The following MACROD2 variants were observed in gnomAD, a reference collection of about 807,000 sequenced individuals.
MACROD2 encodes the protein mono-ADP ribosylhydrolase 2.
MACROD2 carries 36 observed loss-of-function variants against 70.4 expected under a neutral mutation model. That is an observed-to-expected ratio of 0.51 (90% CI 0.39 to 0.68). MACROD2 has a LOEUF of 0.68. Among genes scored for constraint, MACROD2 ranks in the 30% least tolerant of loss-of-function variants. The probability of loss-of-function intolerance (pLI) is 0.00; values close to 1 mark genes in which losing one functional copy is unlikely to be tolerated. For missense variants in MACROD2, 496 were observed against 538.4 expected, an observed-to-expected ratio of 0.92 and a Z score of 0.78; for synonymous variants, 172 against 178.8, an observed-to-expected ratio of 0.96 and a Z score of 0.30.
intron 2 of MACROD2, among the ~76,000 whole-genome samples, chr20:14,041,833 C>T (rs2053395435): frequency 6.6e-6 from 1 of 152,160 alleles, no homozygotes; most frequent in Non-Finnish European, 1.5e-5. Context: ...CCTCTCTCTT[C>T]TTTACCACAC....
intron 6 of MACROD2, among the ~76,000 whole-genome samples, chr20:15,234,513 T>C (rs1161564932): frequency 6.6e-6 from 1 of 151,924 alleles, no homozygotes; most frequent in Non-Finnish European, 1.5e-5. Context: ...AAGACAAAGA[T>C]ATAGCTGTCA....
chr20:16,033,891 G>A (rs2067188912), intron 15 of MACROD2, among the ~76,000 whole-genome samples: 1 of 151,860 alleles, frequency 6.6e-6, no homozygotes, highest in African/African-American at 2.4e-5. Context: ...GAGAGACACA[G>A]AGAGAGAAAA....
intron 3 of MACROD2, among the ~76,000 whole-genome samples, chr20:14,317,046 G>A (rs548083330): frequency 6.6e-6 from 1 of 152,188 alleles, no homozygotes; most frequent in African/African-American, 2.4e-5. Flanking sequence ...TCTCACCTAC[G>A]TCTTGATCAC....
intron 8 of MACROD2, among the ~76,000 whole-genome samples, chr20:15,801,757 A>G (rs1451917141): frequency 1.3e-5 from 2 of 152,110 alleles, no homozygotes; most frequent in African/African-American, 4.8e-5. Flanking sequence ...CATTTTGATA[A>G]GCATTGCATT....
chr20:14,214,255 G>C (rs1327729400), intron 3 of MACROD2, among the ~76,000 whole-genome samples: 1 of 152,020 alleles, frequency 6.6e-6, no homozygotes, highest in Non-Finnish European at 1.5e-5. Context: ...CCCCTGTATG[G>C]GAACTATGAT....
At chr20:15,269,078 A>G (rs1263373442) in intron 6 of MACROD2, among the ~76,000 whole-genome samples, 3 of 152,236 alleles carry the variant, frequency 2.0e-5, no homozygotes, top group African/African-American at 4.8e-5. Flanking sequence ...TTGACTGAAC[A>G]TGTGGTTCAG....
chr20:14,646,330 T>A (rs927597308), intron 4 of MACROD2, among the ~76,000 whole-genome samples: 9 of 152,100 alleles, frequency 5.9e-5, no homozygotes, highest in African/African-American at 2.2e-4. Flanking sequence ...CCATGGTATG[T>A]CATAAAACTT....
At position 15,803,239 on chromosome 20, in the gene MACROD2, A is replaced by G. The variant is rs74852575; in HGVS notation, c.646-59506A>G. 4.1e-3 allele frequency among the ~76,000 whole-genome samples: 623 copies of G among 152,186 alleles called. 2 individuals carry two copies. The highest frequency in any genetic ancestry group is 0.04 in the East Asian group (209 of 5,178). ...AAAATACAGGCCAATATCCCTGACG[A>G]AAGATGCAAAACTCCTTAATAAAAC... On this transcript the variant is annotated intron_variant, in intron 8 of 17. Transcript: ENST00000684519.
chr20:15,326,877 A>G (rs951620204), intron 6 of MACROD2, among the ~76,000 whole-genome samples: 1 of 152,172 alleles, frequency 6.6e-6, no homozygotes, highest in African/African-American at 2.4e-5. Context: ...GGTGGAGAGC[A>G]AATCAGAAAT....
intron 3 of MACROD2, among the ~76,000 whole-genome samples, chr20:14,396,566 C>CT (rs1338072439): frequency 3.9e-5 from 6 of 152,136 alleles, no homozygotes; most frequent in African/African-American, 7.2e-5. Context: ...ATTCTTCTAA[C>CT]TTTTTTGTGT....
intron 3 of MACROD2, among the ~76,000 whole-genome samples, chr20:14,393,478 T>G (rs2083549295): frequency 6.6e-6 from 1 of 152,134 alleles, no homozygotes; most frequent in South Asian, 2.1e-4. Context: ...CACATTTTCT[T>G]ACCTTAGTTC....
intron 5 of MACROD2, among the ~76,000 whole-genome samples, chr20:14,709,151 A>G (rs1001869350): frequency 5.3e-5 from 8 of 152,302 alleles, no homozygotes; most frequent in African/African-American, 1.9e-4. Flanking sequence ...TGACTGAGGA[A>G]CAAATGTAGC....
At chr20:15,607,482 A>T (rs1433791185) in intron 8 of MACROD2, among the ~76,000 whole-genome samples, 1 of 152,174 alleles carries the variant, frequency 6.6e-6, no homozygotes, top group African/African-American at 2.4e-5. Flanking sequence ...TAAATAGCTT[A>T]TTTTGCAATC....
intron 5 of MACROD2, among the ~76,000 whole-genome samples, chr20:14,945,279 T>C (rs2074422477): frequency 6.6e-6 from 1 of 151,940 alleles, no homozygotes. Flanking sequence ...GTTTTCATCA[T>C]ATTTGCCAGG....
At chr20:15,781,217 G>A (rs1044345084) in intron 8 of MACROD2, among the ~76,000 whole-genome samples, 2 of 152,146 alleles carry the variant, frequency 1.3e-5, no homozygotes, top group African/African-American at 4.8e-5. Flanking sequence ...TCACACAGCT[G>A]TATAGCAATT....
intron 12 of MACROD2, among the ~76,000 whole-genome samples, chr20:15,951,352 A>ACACACAG (rs1414285468): frequency 2.2e-4 from 20 of 91,878 alleles, no homozygotes; most frequent in Non-Finnish European, 4.1e-4. Context: ...CACACACACA[A>ACACACAG]AGAGAGAGAG....
intron 4 of MACROD2, among the ~76,000 whole-genome samples, chr20:14,499,829 T>C (rs1362921181): frequency 6.6e-6 from 1 of 152,202 alleles, no homozygotes; most frequent in East Asian, 1.9e-4. Context: ...TCTTTTTGTC[T>C]TTCTCAGTCA....
At position 15,144,345 on chromosome 20, in the gene MACROD2, A is replaced by T. The variant is rs1481338612; in HGVS notation, c.419-85595A>T. Among the ~76,000 whole-genome samples the T allele has an allele frequency of 9.2e-5, 14 of 152,278 alleles. No homozygotes were observed. The South Asian group carries it at 2.9e-3, about 32-fold the overall frequency. ...AATTTGTTCATGTCAGGATAGTGTG[A>T]TGGGTTTACTCAAGCAGCCACAAAA... On this transcript the variant is annotated intron_variant, in intron 5 of 17. Coordinates refer to ENST00000684519, the MANE Select transcript of MACROD2 (RefSeq NM_001351661.2).
At chr20:14,007,576 A>C (rs1013463164) in intron 2 of MACROD2, among the ~76,000 whole-genome samples, 3 of 152,222 alleles carry the variant, frequency 2.0e-5, no homozygotes, top group Non-Finnish European at 4.4e-5. Flanking sequence ...AGACAAAGGT[A>C]GATATATAAA....
Sources: allele counts gnomAD v4.1 joint callset (sites outside exome capture counted in the v4.1 genomes callset), GRCh38; gene constraint gnomAD v4.1.1; transcripts MANE v1.5; gene names NCBI Gene and HGNC (gene_info 2026-07-23, HGNC 2026-07-21).